ERBB4: variants seen among roughly 807,000 people sequenced by gnomAD.
The protein encoded by ERBB4 is receptor tyrosine-protein kinase erbB-4.
ERBB4 carries 42 observed loss-of-function variants against 158.0 expected under a neutral mutation model. The ratio of observed to expected loss-of-function variants is 0.27; its 90% CI spans 0.21 to 0.34. The LOEUF (loss-of-function observed/expected upper bound fraction) is 0.34. Ranked by LOEUF, ERBB4 falls within the 10% of genes least tolerant of loss-of-function variation. The pLI is 1.00. For synonymous variants in ERBB4, 583 were observed against 558.7 expected, an observed-to-expected ratio of 1.04 and a Z score of -0.61; for missense variants, 1,333 against 1,624.1, an observed-to-expected ratio of 0.82 and a Z score of 3.08.
At chr2:211,660,305 T>C (rs2071373574) in intron 15 of ERBB4, among the ~76,000 whole-genome samples, 2 of 152,194 alleles carry the variant, frequency 1.3e-5, no homozygotes. Context: ...AAGACTATTT[T>C]AGTCCACGTA....
At chr2:211,948,774 G>A (rs1051176351) in intron 2 of ERBB4, among the ~76,000 whole-genome samples, 2 of 151,784 alleles carry the variant, frequency 1.3e-5, no homozygotes, top group African/African-American at 4.8e-5. Flanking sequence ...GCTGTTTTTG[G>A]TACTTCCCCC....
At chr2:211,564,473 A>G (rs1412988840) in intron 19 of ERBB4, among the ~76,000 whole-genome samples, 1 of 152,212 alleles carries the variant, frequency 6.6e-6, no homozygotes, top group Non-Finnish European at 1.5e-5. Context: ...AAATTTACAT[A>G]TGATAAAAAT....
intron 2 of ERBB4, among the ~76,000 whole-genome samples, chr2:212,037,234 G>A (rs979028714): frequency 2.0e-5 from 3 of 152,172 alleles, no homozygotes; most frequent in Non-Finnish European, 4.4e-5. Context: ...TGTAGAAGGG[G>A]AAGTTGGCAC....
At position 212,367,878 on chromosome 2, in the gene ERBB4, T is replaced by C. The variant is rs530498962; in HGVS notation, c.82+170571A>G. Among the ~76,000 whole-genome samples the C allele has an allele frequency of 4.6e-5, 7 of 152,010 alleles. No homozygotes were observed. The South Asian group carries it at 1.5e-3, about 32-fold the overall frequency. On this transcript the variant is annotated intron_variant, in intron 1 of 27. Coordinates refer to ENST00000342788, the MANE Select transcript of ERBB4 (RefSeq NM_005235.3). ...AAGGAAATGCAAATCAAAACCACAA[T>C]GTGATACCAACTTTCTCCTGCAAGA...
intron 2 of ERBB4, among the ~76,000 whole-genome samples, chr2:212,108,992 T>C (rs2079317192): frequency 6.6e-6 from 1 of 152,038 alleles, no homozygotes; most frequent in African/African-American, 2.4e-5. Flanking sequence ...GACAGAGAGA[T>C]ACACATTCAA....
intron 3 of ERBB4, among the ~76,000 whole-genome samples, chr2:211,905,647 C>CATTATATATAT (rs2079360362): frequency 1.4e-5 from 1 of 71,446 alleles, no homozygotes; most frequent in Non-Finnish European, 2.8e-5. Context: ...TAGGAAGGAT[C>CATTATATATAT]ATATATATAT....
chr2:211,803,935 T>C (rs529119130), intron 3 of ERBB4, among the ~76,000 whole-genome samples: 6 of 152,324 alleles, frequency 3.9e-5, no homozygotes, highest in Non-Finnish European at 8.8e-5. Flanking sequence ...TACTGTTACA[T>C]GAACAGTAGA....
intron 1 of ERBB4, among the ~76,000 whole-genome samples, chr2:212,458,214 C>A (rs1560380773): frequency 6.6e-6 from 1 of 151,746 alleles, no homozygotes; most frequent in Non-Finnish European, 1.5e-5. Flanking sequence ...ATGATTACGA[C>A]AAAAAACTGT....
intron 4 of ERBB4, among the ~76,000 whole-genome samples, chr2:211,757,975 T>G (rs555755070): frequency 6.6e-6 from 1 of 152,270 alleles, no homozygotes; most frequent in African/African-American, 2.4e-5. Context: ...GCAGGCTGAA[T>G]ATAGAACTGT....
chr2:212,062,091 G>T (rs1235711224), intron 2 of ERBB4, among the ~76,000 whole-genome samples: 1 of 152,096 alleles, frequency 6.6e-6, no homozygotes, highest in African/African-American at 2.4e-5. Context: ...TTATGAAATA[G>T]TATTATTTGT....
At chr2:211,870,358 T>C (rs978027926) in intron 3 of ERBB4, among the ~76,000 whole-genome samples, 2 of 152,180 alleles carry the variant, frequency 1.3e-5, no homozygotes, top group Non-Finnish European at 2.9e-5. Context: ...GTTGTGGAAT[T>C]GTATTGAAAT....
At chr2:212,211,314 C>A (rs755089766) in intron 1 of ERBB4, among the ~76,000 whole-genome samples, 2 of 152,060 alleles carry the variant, frequency 1.3e-5, no homozygotes. Flanking sequence ...CACACATATG[C>A]GTGAAGACAC....
chr2:212,446,474 C>T (rs115142527), intron 1 of ERBB4, among the ~76,000 whole-genome samples: 85 of 148,296 alleles, frequency 5.7e-4, no homozygotes, highest in Non-Finnish European at 8.8e-4. Context: ...TCGAACTCCA[C>T]GTTCTTCAGT....
intron 1 of ERBB4, among the ~76,000 whole-genome samples, chr2:212,133,520 C>T (rs1559561559): frequency 6.6e-6 from 1 of 151,214 alleles, no homozygotes; most frequent in African/African-American, 2.4e-5. Context: ...TAAGAGAGGC[C>T]TTTGCTCAGC....
chr2:211,691,916 G>A (rs1162583110), intron 12 of ERBB4, among the ~76,000 whole-genome samples: 3 of 152,094 alleles, frequency 2.0e-5, no homozygotes, highest in Non-Finnish European at 4.4e-5. Flanking sequence ...TTAGGATTTT[G>A]TGTTTTGGTC....
At chr2:211,621,903 A>G (rs1025611144) in intron 18 of ERBB4, among the ~76,000 whole-genome samples, 8 of 152,144 alleles carry the variant, frequency 5.3e-5, no homozygotes, top group African/African-American at 9.7e-5. Context: ...GACTTGTCCT[A>G]TGGTTCAGCA....
intron 20 of ERBB4, among the ~76,000 whole-genome samples, chr2:211,548,280 ATGT>A (rs1425562234): frequency 6.6e-6 from 1 of 151,972 alleles, no homozygotes; most frequent in African/African-American, 2.4e-5. Context: ...GGAGGTTGCA[ATGT>A]TATTAGACAA....
chr2:212,286,666 A>T (rs2085987999), intron 1 of ERBB4, among the ~76,000 whole-genome samples: 1 of 135,950 alleles, frequency 7.4e-6, no homozygotes, highest in African/African-American at 2.8e-5. Flanking sequence ...CAATGGGGCA[A>T]TCTCGACTCA....
chr2:212,052,223 A>C (rs1425194168), intron 2 of ERBB4, among the ~76,000 whole-genome samples: 1 of 152,188 alleles, frequency 6.6e-6, no homozygotes, highest in Non-Finnish European at 1.5e-5. Flanking sequence ...TCCTGCCCTC[A>C]AACATCAGAC....
Sources: allele counts gnomAD v4.1 joint callset (sites outside exome capture counted in the v4.1 genomes callset), GRCh38; gene constraint gnomAD v4.1.1; transcripts MANE v1.5; gene names NCBI Gene and HGNC (gene_info 2026-07-23, HGNC 2026-07-21).